LDB2: variants seen among roughly 807,000 people sequenced by gnomAD.
LDB2 encodes the protein LIM domain-binding protein 2.
In LDB2, 12 loss-of-function variants were observed where a neutral mutation model predicts 44.3. The observed-to-expected ratio is 0.27, with a 90% CI of 0.17 to 0.44. The LOEUF (loss-of-function observed/expected upper bound fraction) is 0.44, where lower values mean the gene tolerates loss of function less well. Among genes scored for constraint, LDB2 ranks in the 20% least tolerant of loss-of-function variants. LDB2 has a pLI of 1.00. For missense variants in LDB2, 344 were observed against 473.5 expected (o/e 0.73, Z 2.54); for synonymous variants, 164 against 174.8 (o/e 0.94, Z 0.49).
intron 7 of LDB2, chr4:16,506,227 A>T: frequency 2.3e-6 from 1 of 427,252 alleles, no homozygotes; most frequent in Non-Finnish European, 4.1e-6. Flanking sequence ...TTTAATGTCC[A>T]TTCAACTCCA....
intron 1 of LDB2, among the ~76,000 whole-genome samples, chr4:16,797,509 ACTAT>A (rs1238802768): frequency 6.6e-6 from 1 of 152,212 alleles, no homozygotes; most frequent in African/African-American, 2.4e-5. Flanking sequence ...TGATGTCTTT[ACTAT>A]CTGACTTCTC....
intron 1 of LDB2, among the ~76,000 whole-genome samples, chr4:16,842,505 A>C (rs2110116540): frequency 6.6e-6 from 1 of 152,356 alleles, no homozygotes; most frequent in East Asian, 1.9e-4. Flanking sequence ...CTTCAACAAA[A>C]ATGTGCTTTA....
intron 2 of LDB2, among the ~76,000 whole-genome samples, chr4:16,613,251 A>G (rs1418462730): frequency 6.6e-6 from 1 of 152,212 alleles, no homozygotes; most frequent in Non-Finnish European, 1.5e-5. Flanking sequence ...CCTACAGCCA[A>G]TATCATATTG....
chr4:16,749,573 T>G (rs200987823), intron 2 of LDB2, among the ~76,000 whole-genome samples: 2 of 128,560 alleles, frequency 1.6e-5, no homozygotes, highest in African/African-American at 6.5e-5. Context: ...AAAAAAAAAA[T>G]AAAAAAATAA....
intron 2 of LDB2, among the ~76,000 whole-genome samples, chr4:16,682,924 C>T (rs940007657): frequency 2.6e-5 from 4 of 152,198 alleles, no homozygotes; most frequent in Non-Finnish European, 4.4e-5. Flanking sequence ...CTGATTCATC[C>T]CACTTTCATT....
chr4:16,823,030 T>C (rs1202443899), intron 1 of LDB2, among the ~76,000 whole-genome samples: 1 of 152,156 alleles, frequency 6.6e-6, no homozygotes, highest in Non-Finnish European at 1.5e-5. Flanking sequence ...AATAACTACA[T>C]AGCCCTGCTA....
intron 2 of LDB2, among the ~76,000 whole-genome samples, chr4:16,735,772 C>G (rs763592373): frequency 2.6e-5 from 4 of 152,156 alleles, no homozygotes; most frequent in Non-Finnish European, 5.9e-5. Context: ...GCTATACCTT[C>G]AGATTAGTAA....
At chr4:16,874,130 C>T (rs1717642258) in intron 1 of LDB2, among the ~76,000 whole-genome samples, 1 of 152,084 alleles carries the variant, frequency 6.6e-6, no homozygotes, top group Non-Finnish European at 1.5e-5. Context: ...CTCCAACTCC[C>T]TACACAAACT....
At chr4:16,529,075 T>C (rs1488851252) in intron 5 of LDB2, among the ~76,000 whole-genome samples, 2 of 152,190 alleles carry the variant, frequency 1.3e-5, no homozygotes, top group Non-Finnish European at 2.9e-5. Flanking sequence ...CAGTACTTGG[T>C]GTTTACAGGG....
At chr4:16,852,214 T>C (rs1788410852) in intron 1 of LDB2, among the ~76,000 whole-genome samples, 1 of 152,220 alleles carries the variant, frequency 6.6e-6, no homozygotes, top group African/African-American at 2.4e-5. Context: ...AGGTCCTAGA[T>C]ACATTTTAGT....
chr4:16,781,705 G>A (rs1773268500), intron 1 of LDB2, among the ~76,000 whole-genome samples: 1 of 152,158 alleles, frequency 6.6e-6, no homozygotes, highest in African/African-American at 2.4e-5. Context: ...GGTGTCACCT[G>A]CCCCCTCCCC....
intron 1 of LDB2, among the ~76,000 whole-genome samples, chr4:16,876,556 G>GTTGCTATAGAAACCTTCACTT (rs1470911811): frequency 6.2e-4 from 94 of 152,232 alleles, no homozygotes; most frequent in Non-Finnish European, 9.9e-4. Flanking sequence ...GTGAGTTACT[G>GTTGCTATAGAAACCTTCACTT]TTGCTATAGA....
intron 5 of LDB2, among the ~76,000 whole-genome samples, chr4:16,574,538 T>G (rs759672908): frequency 1.3e-4 from 20 of 152,218 alleles, no homozygotes; most frequent in Non-Finnish European, 2.8e-4. Context: ...ATTTACAGTT[T>G]AGGAAGTGCT....
chr4:16,802,561 G>T (rs558838191), intron 1 of LDB2, among the ~76,000 whole-genome samples: 3 of 152,152 alleles, frequency 2.0e-5, no homozygotes, highest in South Asian at 2.1e-4. Context: ...ACACAAAAGG[G>T]ATTAAAAGAA....
intron 2 of LDB2, among the ~76,000 whole-genome samples, chr4:16,599,453 G>A (rs1721970670): frequency 6.6e-6 from 1 of 152,008 alleles, no homozygotes; most frequent in Admixed American, 6.6e-5. Context: ...AAGAATTCAG[G>A]ATAATCTGCC....
intron 1 of LDB2, among the ~76,000 whole-genome samples, chr4:16,835,277 C>G (rs568582705): frequency 3.9e-4 from 59 of 152,306 alleles, no homozygotes; most frequent in African/African-American, 1.3e-3. Flanking sequence ...AGGCTCCTTG[C>G]CAGTCAATGC....
intron 2 of LDB2, among the ~76,000 whole-genome samples, chr4:16,667,565 C>T (rs1423651607): frequency 3.3e-5 from 5 of 152,144 alleles, no homozygotes; most frequent in Non-Finnish European, 7.4e-5. Context: ...CAAAGAAAAA[C>T]GCAAAAAATT....
At chr4:16,806,695 C>T (rs776628337) in intron 1 of LDB2, among the ~76,000 whole-genome samples, 1 of 152,194 alleles carries the variant, frequency 6.6e-6, no homozygotes, top group Non-Finnish European at 1.5e-5. Context: ...CTTCAAGAAT[C>T]TTCCCCAAAT....
intron 5 of LDB2, among the ~76,000 whole-genome samples, chr4:16,578,201 A>G (rs1433511558): frequency 2.0e-5 from 3 of 152,186 alleles, no homozygotes; most frequent in Non-Finnish European, 2.9e-5. Context: ...AAAATGGACA[A>G]AAGAGGTCAC....
Sources: gnomAD v4.1 joint callset for allele counts (sites outside exome capture counted in the v4.1 genomes callset) on GRCh38, gnomAD v4.1.1 for gene constraint, MANE v1.5 for transcripts, NCBI Gene and HGNC (gene_info 2026-07-23, HGNC 2026-07-21) for gene names.